DPRX: variants seen among roughly 807,000 people sequenced by gnomAD.
DPRX encodes the protein divergent-paired related homeobox, also known as divergent paired-related homeobox.
In DPRX, 11 loss-of-function variants were observed where a neutral mutation model predicts 8.4. The observed-to-expected ratio is 1.31, with a 90% CI of 0.82 to 2.17. The LOEUF (loss-of-function observed/expected upper bound fraction) is 2.17. Ranked by LOEUF, DPRX falls within the 30% of genes most tolerant of loss-of-function variation. The probability of loss-of-function intolerance (pLI) is 0.00; values close to 1 mark genes in which losing one functional copy is unlikely to be tolerated. For synonymous variants in DPRX, 72 were observed against 87.0 expected, an observed-to-expected ratio of 0.83 and a Z score of 0.96; for missense variants, 211 against 236.7, an observed-to-expected ratio of 0.89 and a Z score of 0.71.
the DPRX span, among the ~76,000 whole-genome samples, chr19:53,611,955 G>A: frequency 2.0e-5 from 3 of 151,956 alleles, no homozygotes; most frequent in Non-Finnish European, 4.4e-5. Context: ...ATGGTGGTGG[G>A]CGCCTGTAAT....
chr19:53,601,543 G>A, the DPRX span, among the ~76,000 whole-genome samples: 16 of 148,848 alleles, frequency 1.1e-4, 1 homozygote, highest in South Asian at 1.7e-3. Context: ...GTGCAGTGGC[G>A]CGATCTCAGC....
the DPRX span, among the ~76,000 whole-genome samples, chr19:53,626,630 C>T: frequency 2.0e-5 from 3 of 152,124 alleles, no homozygotes; most frequent in African/African-American, 7.2e-5. Flanking sequence ...GGAGTGGTGG[C>T]CAGACTCCTT....
At chr19:53,616,273 A>T in the DPRX span, among the ~76,000 whole-genome samples, 2 of 152,000 alleles carry the variant, frequency 1.3e-5, no homozygotes, top group African/African-American at 4.8e-5. Flanking sequence ...AATAAATAAA[A>T]AATAAAATAA....
chr19:53,634,561 G>A (rs761892759), exon 2 of DPRX: 8 of 1,613,664 alleles, frequency 5.0e-6, no homozygotes, highest in African/African-American at 2.7e-5. Context: ...CACAGGAAAC[G>A]AACCATGTTC....
At chr19:53,603,447 T>G in the DPRX span, 3 of 454,788 alleles carry the variant, frequency 6.6e-6, no homozygotes, top group Non-Finnish European at 1.3e-5. Flanking sequence ...GCTGGACGCT[T>G]CAGGAACACA....
the DPRX span, among the ~76,000 whole-genome samples, chr19:53,611,024 T>C: frequency 6.6e-6 from 1 of 151,966 alleles, no homozygotes; most frequent in East Asian, 1.9e-4. Flanking sequence ...TCCCTCAGCC[T>C]CCAAGTAGCT....
At chr19:53,631,842 C>T (rs1316905518), upstream of DPRX, among the ~76,000 whole-genome samples, 1 of 152,056 alleles carries the variant, frequency 6.6e-6, no homozygotes, top group Non-Finnish European at 1.5e-5. Context: ...TTTAACAACT[C>T]CCAGGAGTGT....
At chr19:53,609,492 A>C in the DPRX span, among the ~76,000 whole-genome samples, 16 of 125,046 alleles carry the variant, frequency 1.3e-4, no homozygotes, top group African/African-American at 4.9e-4. Context: ...AAAAAAAAAA[A>C]AAAAACAACC....
At chr19:53,606,334 T>C in the DPRX span, 1 of 152,256 alleles carries the variant, frequency 6.6e-6, no homozygotes, top group East Asian at 1.9e-4. This position sits in a 1 kb window ranked among gnomAD's most constrained non-coding sequence, Gnocchi z 4.8. Context: ...GACTGGGGCT[T>C]CTGCTCTGTC....
the DPRX span, chr19:53,617,262 T>A: frequency 1.3e-6 from 1 of 744,804 alleles, no homozygotes; most frequent in Non-Finnish European, 2.5e-6. Flanking sequence ...TTAGAGTGCC[T>A]TTAAGAAGAA....
the DPRX span, among the ~76,000 whole-genome samples, chr19:53,610,339 A>T: frequency 0.053 from 8,061 of 151,658 alleles, 255 homozygotes; most frequent in Middle Eastern, 0.075. Flanking sequence ...AAAAAGAAGA[A>T]GGAAAAAGAA....
At chr19:53,631,553 G>GT (rs1380232787), upstream of DPRX, among the ~76,000 whole-genome samples, 3 of 152,004 alleles carry the variant, frequency 2.0e-5, no homozygotes, top group African/African-American at 7.2e-5. Context: ...GAGGGCAGGA[G>GT]TTCAAGACCA....
the DPRX span, among the ~76,000 whole-genome samples, chr19:53,624,190 C>T: frequency 7.0e-6 from 1 of 142,460 alleles, no homozygotes; most frequent in Non-Finnish European, 1.5e-5. Flanking sequence ...CAGGTTCAAG[C>T]AATCCTTCTG....
chr19:53,601,686 T>C, the DPRX span, among the ~76,000 whole-genome samples: 1,104 of 152,058 alleles, frequency 7.3e-3, 11 homozygotes, highest in Non-Finnish European at 9.0e-3. Flanking sequence ...TTCACCATGT[T>C]GGTCAGGCTG....
chr19:53,633,526 T>C lies in DPRX; in HGVS notation c.29-1005T>C, dbSNP rs972726983. Among the ~76,000 whole-genome samples, 4 of 152,144 alleles carry C rather than the reference T, an allele frequency of 2.6e-5. No homozygotes were observed. The South Asian group carries it at 8.3e-4, about 32-fold the overall frequency. ...TTATTTATTTATTTATTTATTATTTTCTTGAGACAGGGTCTCCCTCTGTCT... is the reference window on the plus strand; with the variant it reads ...TTATTTATTTATTTATTTATTATTTCCTTGAGACAGGGTCTCCCTCTGTCT... On this transcript the variant is annotated intron_variant, in intron 1 of 2. Coordinates refer to ENST00000376650, the Ensembl canonical transcript of DPRX.
chr19:53,604,020 A>G, the DPRX span, among the ~76,000 whole-genome samples: 2 of 152,140 alleles, frequency 1.3e-5, no homozygotes, highest in South Asian at 4.2e-4. Flanking sequence ...TTCTGGGATT[A>G]CAGGCGTGAG....
At chr19:53,601,860 G>C in the DPRX span, 1 of 369,202 alleles carries the variant, frequency 2.7e-6, no homozygotes, top group South Asian at 2.0e-5. Flanking sequence ...TGTGGGGGCT[G>C]GAGGGGGTGT....
the DPRX span, among the ~76,000 whole-genome samples, chr19:53,624,515 C>G: frequency 6.6e-6 from 1 of 151,840 alleles, no homozygotes; most frequent in African/African-American, 2.4e-5. Context: ...CAGTTTCAAG[C>G]CGTACTCTTA....
At chr19:53,625,062 C>CT in the DPRX span, among the ~76,000 whole-genome samples, 53,845 of 120,256 alleles carry the variant, frequency 0.45, 13,145 homozygotes, top group Non-Finnish European at 0.53. Flanking sequence ...TCATCATGGG[C>CT]TTTTTTTTTT....
Sources: gnomAD v4.1 joint callset for allele counts (sites outside exome capture counted in the v4.1 genomes callset) on GRCh38, gnomAD v4.1.1 for gene constraint, Gnocchi (gnomAD v3.1) non-coding constraint, MANE v1.5 for transcripts, NCBI Gene and HGNC (gene_info 2026-07-23, HGNC 2026-07-21) for gene names.